GLRA2: variants seen among roughly 807,000 people sequenced by gnomAD.
GLRA2 encodes glycine receptor alpha 2, also known as glycine receptor subunit alpha-2.
GLRA2 carries 11 observed loss-of-function variants against 31.6 expected under a neutral mutation model. The observed-to-expected ratio is 0.35, with a 90% confidence interval of 0.22 to 0.58. The LOEUF (loss-of-function observed/expected upper bound fraction) is 0.58, where lower values mean the gene tolerates loss of function less well. Among genes scored for constraint, GLRA2 ranks in the 20% least tolerant of loss-of-function variants. The pLI, the probability that GLRA2 is intolerant of heterozygous loss-of-function variation, is 0.84. For missense variants in GLRA2, 212 were observed against 351.8 expected (o/e 0.60, Z 3.18); for synonymous variants, 132 against 134.0 (o/e 0.99, Z 0.10).
chrX:14,584,676 C>T (rs999875657), intron 4 of GLRA2, among the ~76,000 whole-genome samples: 1 of 112,130 alleles, frequency 8.9e-6, no homozygotes, highest in Non-Finnish European at 1.9e-5. Flanking sequence ...TAAGGAAACA[C>T]AAAACATTCT....
chrX:14,508,249 G>A, the GLRA2 span, among the ~76,000 whole-genome samples: 1 of 112,344 alleles, frequency 8.9e-6, no homozygotes, highest in South Asian at 3.7e-4. Context: ...TATTACTCAT[G>A]CCATTTCTCA....
At chrX:14,536,126 A>G (rs2089320413) in intron 2 of GLRA2, among the ~76,000 whole-genome samples, 1 of 112,001 alleles carries the variant, frequency 8.9e-6, no homozygotes, top group Non-Finnish European at 1.9e-5. Flanking sequence ...TAAGTTAGAA[A>G]GTGTAATGTG....
intron 4 of GLRA2, among the ~76,000 whole-genome samples, chrX:14,591,694 TCAATC>T (rs1280866954): frequency 8.9e-6 from 1 of 111,803 alleles, no homozygotes; most frequent in Non-Finnish European, 1.9e-5. Context: ...TTTGCATCCT[TCAATC>T]CAATCAAGTT....
At chrX:14,557,521 C>A (rs1246438825) in intron 2 of GLRA2, among the ~76,000 whole-genome samples, 1 of 112,195 alleles carries the variant, frequency 8.9e-6, no homozygotes, top group African/African-American at 3.2e-5. Context: ...TAATATGATA[C>A]TAGCATTTGT....
chrX:14,661,867 T>C (rs760021852), intron 7 of GLRA2, among the ~76,000 whole-genome samples: 1 of 79,139 alleles, frequency 1.3e-5, no homozygotes, highest in South Asian at 6.8e-4. Flanking sequence ...AGTGAGACTC[T>C]GTCTCAGAAA....
At chrX:14,480,021 C>G in the GLRA2 span, among the ~76,000 whole-genome samples, 89 of 111,606 alleles carry the variant, frequency 8.0e-4, 2 homozygotes, top group Non-Finnish European at 1.7e-4. Flanking sequence ...TCTCTGTACC[C>G]TCACCAATAT....
chrX:14,687,710 C>CT (rs2091295348), intron 7 of GLRA2, among the ~76,000 whole-genome samples: 1 of 111,648 alleles, frequency 9.0e-6, no homozygotes, highest in Non-Finnish European at 1.9e-5. Flanking sequence ...TTTATTTAAT[C>CT]TTTTTTGAAG....
intron 7 of GLRA2, among the ~76,000 whole-genome samples, chrX:14,615,592 A>G (rs1223179812): frequency 9.0e-6 from 1 of 111,351 alleles, no homozygotes; most frequent in Non-Finnish European, 1.9e-5. Context: ...GCAGGAGCAG[A>G]TCTAGGAAAA....
intron 1 of GLRA2, chrX:14,531,004 C>T: frequency 1.1e-6 from 1 of 918,212 alleles, no homozygotes; most frequent in Non-Finnish European, 1.4e-6. Flanking sequence ...AGTAATAATG[C>T]TATGAATACT....
At chrX:14,468,907 G>A in the GLRA2 span, among the ~76,000 whole-genome samples, 1 of 110,537 alleles carries the variant, frequency 9.0e-6, no homozygotes, top group South Asian at 3.9e-4. Context: ...GCATTTCTCT[G>A]ATGGCCAGTG....
the GLRA2 span, among the ~76,000 whole-genome samples, chrX:14,453,279 T>C: frequency 9.0e-6 from 1 of 111,379 alleles, no homozygotes; most frequent in Admixed American, 9.6e-5. Context: ...CATTTAGCAA[T>C]GTGTGAAGAC....
chrX:14,548,472 G>A (rs1055593827), intron 2 of GLRA2, among the ~76,000 whole-genome samples: 1 of 111,411 alleles, frequency 9.0e-6, no homozygotes, highest in African/African-American at 3.3e-5. Context: ...CATGTATCAC[G>A]CATTTATTAT....
chrX:14,472,366 T>A, the GLRA2 span, among the ~76,000 whole-genome samples: 1 of 112,023 alleles, frequency 8.9e-6, no homozygotes, highest in Non-Finnish European at 1.9e-5. Flanking sequence ...CTCTTTTTTT[T>A]TCCAACTTTT....
At chrX:14,679,996 T>C (rs2091182925) in intron 7 of GLRA2, among the ~76,000 whole-genome samples, 1 of 112,221 alleles carries the variant, frequency 8.9e-6, no homozygotes, top group South Asian at 3.7e-4. Context: ...TAAAGAGCCA[T>C]ATGGTATTTT....
At chrX:14,656,953 C>T (rs761728586) in intron 7 of GLRA2, among the ~76,000 whole-genome samples, 2 of 111,529 alleles carry the variant, frequency 1.8e-5, no homozygotes, top group South Asian at 7.6e-4. Context: ...GAAGAGGGGA[C>T]ATTTGAGCAG....
chrX:14,538,736 A>G (rs1459808875), intron 2 of GLRA2, among the ~76,000 whole-genome samples: 2 of 111,841 alleles, frequency 1.8e-5, no homozygotes, highest in Non-Finnish European at 3.8e-5. Context: ...ATAAAGGAGG[A>G]CCTTAAATTT....
chrX:14,727,773 T>C (rs1175697516), intron 8 of GLRA2, among the ~76,000 whole-genome samples: 2 of 112,333 alleles, frequency 1.8e-5, no homozygotes, highest in Non-Finnish European at 3.7e-5. Context: ...ACTGAGCACA[T>C]GGAAGTACTC....
chrX:14,684,432 A>G (rs1026778803), intron 7 of GLRA2, among the ~76,000 whole-genome samples: 7 of 111,669 alleles, frequency 6.3e-5, no homozygotes, highest in Non-Finnish European at 1.3e-4. Flanking sequence ...CAGGATATTG[A>G]TTCTTCCTAT....
the GLRA2 span, among the ~76,000 whole-genome samples, chrX:14,515,599 A>G: frequency 2.6e-4 from 29 of 112,032 alleles, no homozygotes; most frequent in Non-Finnish European, 3.0e-4. Flanking sequence ...CTTTTGGTCT[A>G]TCTTCCAAGT....
Sources: gnomAD v4.1 joint callset for allele counts (sites outside exome capture counted in the v4.1 genomes callset) on GRCh38, gnomAD v4.1.1 for gene constraint, MANE v1.5 for transcripts, NCBI Gene and HGNC (gene_info 2026-07-23, HGNC 2026-07-21) for gene names.